RTL4: variants seen among roughly 807,000 people sequenced by gnomAD.
The protein encoded by RTL4 is retrotransposon Gag like 4, also known as retrotransposon Gag-like protein 4.
Under a neutral mutation model 5.3 loss-of-function variants are expected in RTL4, and 4 were observed. That is an observed-to-expected ratio of 0.75 (90% CI 0.37 to 1.72). The LOEUF (loss-of-function observed/expected upper bound fraction) is 1.72. RTL4 is among the 40% of genes most tolerant of loss of function. RTL4 has a pLI of 0.04. For missense variants in RTL4, 260 were observed against 227.1 expected (o/e 1.14, Z -0.93); for synonymous variants, 98 against 87.3 (o/e 1.12, Z -0.68).
chrX:112,268,444 C>A, the RTL4 span, among the ~76,000 whole-genome samples: 1 of 111,681 alleles, frequency 9.0e-6, no homozygotes, highest in African/African-American at 3.2e-5. Flanking sequence ...TCTCTTAGGG[C>A]AGATTGAACT....
At chrX:112,212,830 GTC>G in the RTL4 span, among the ~76,000 whole-genome samples, 1 of 112,067 alleles carries the variant, frequency 8.9e-6, no homozygotes, top group African/African-American at 3.3e-5. Context: ...AACCAAGACT[GTC>G]TCTCGCTACT....
the RTL4 span, among the ~76,000 whole-genome samples, chrX:112,147,688 C>T: frequency 8.9e-6 from 1 of 112,149 alleles, no homozygotes; most frequent in Non-Finnish European, 1.9e-5. Flanking sequence ...CCTGTAATCC[C>T]AGCACTTTGG....
At chrX:112,124,325 T>C in the RTL4 span, among the ~76,000 whole-genome samples, 1 of 111,815 alleles carries the variant, frequency 8.9e-6, no homozygotes, top group Admixed American at 9.5e-5. Context: ...ACTGGGTATA[T>C]ACCCAAAGTA....
At chrX:112,160,306 G>A in the RTL4 span, among the ~76,000 whole-genome samples, 5 of 111,829 alleles carry the variant, frequency 4.5e-5, no homozygotes, top group South Asian at 3.7e-4. Context: ...AGCCTTCAAG[G>A]AACTCACAGT....
the RTL4 span, among the ~76,000 whole-genome samples, chrX:112,326,311 T>G: frequency 9.0e-5 from 10 of 111,594 alleles, no homozygotes; most frequent in African/African-American, 3.3e-4. Flanking sequence ...GTGCATGAGC[T>G]GAAGCAGGGC....
chrX:112,258,197 T>C, the RTL4 span, among the ~76,000 whole-genome samples: 2 of 110,545 alleles, frequency 1.8e-5, no homozygotes, highest in African/African-American at 6.6e-5. Context: ...AAAATGCATT[T>C]AATGAAATTG....
At chrX:112,103,335 T>TC in the RTL4 span, among the ~76,000 whole-genome samples, 3 of 102,595 alleles carry the variant, frequency 2.9e-5, no homozygotes, top group Non-Finnish European at 5.8e-5. Context: ...AACCAAATAT[T>TC]GCATGTTCTT....
chrX:112,397,624 T>C, the RTL4 span, among the ~76,000 whole-genome samples: 3 of 112,310 alleles, frequency 2.7e-5, no homozygotes, highest in Non-Finnish European at 5.6e-5. Flanking sequence ...TTCCAATGCA[T>C]GAACATAATA....
chrX:112,331,503 A>G, the RTL4 span, among the ~76,000 whole-genome samples: 12 of 105,259 alleles, frequency 1.1e-4, no homozygotes, highest in Non-Finnish European at 2.0e-4. Context: ...AAAAGTCAGG[A>G]AACAACAGGT....
At chrX:112,182,785 C>A in the RTL4 span, among the ~76,000 whole-genome samples, 1 of 111,760 alleles carries the variant, frequency 8.9e-6, no homozygotes, top group Admixed American at 9.5e-5. Flanking sequence ...GCAAGACAGA[C>A]CAATATTCAA....
the RTL4 span, among the ~76,000 whole-genome samples, chrX:112,134,993 A>G: frequency 8.9e-6 from 1 of 112,241 alleles, no homozygotes; most frequent in South Asian, 3.7e-4. Context: ...AAGTATTACA[A>G]ATAAAGTTGT....
At chrX:112,142,527 G>A in the RTL4 span, among the ~76,000 whole-genome samples, 2 of 111,965 alleles carry the variant, frequency 1.8e-5, no homozygotes, top group African/African-American at 6.5e-5. Flanking sequence ...CTGATACCAT[G>A]TGTAGGCAAA....
At chrX:112,202,810 C>T in the RTL4 span, among the ~76,000 whole-genome samples, 1 of 110,432 alleles carries the variant, frequency 9.1e-6, no homozygotes, top group South Asian at 3.9e-4. Context: ...ATCTGCCTGC[C>T]TCAGTATGTT....
the RTL4 span, among the ~76,000 whole-genome samples, chrX:112,172,094 G>T: frequency 8.9e-6 from 1 of 112,493 alleles, no homozygotes; most frequent in East Asian, 2.8e-4. Context: ...AGCACTTTGG[G>T]AGGCCGAGGC....
At chrX:112,310,300 A>T in the RTL4 span, among the ~76,000 whole-genome samples, 18 of 79,089 alleles carry the variant, frequency 2.3e-4, no homozygotes, top group African/African-American at 8.0e-4. Context: ...TGAGACAGCA[A>T]GAGGTCAGCT....
At chrX:112,368,766 C>A in the RTL4 span, among the ~76,000 whole-genome samples, 1 of 112,047 alleles carries the variant, frequency 8.9e-6, no homozygotes, top group African/African-American at 3.2e-5. Context: ...TATGAACTGA[C>A]AAGCTAAAGT....
the RTL4 span, among the ~76,000 whole-genome samples, chrX:112,349,408 T>C: frequency 1.8e-5 from 2 of 111,622 alleles, no homozygotes; most frequent in Admixed American, 1.9e-4. Flanking sequence ...GAAGAGGTTT[T>C]GGTAGCTTGA....
the RTL4 span, among the ~76,000 whole-genome samples, chrX:112,332,619 G>A: frequency 2.0e-4 from 20 of 100,481 alleles, no homozygotes; most frequent in Admixed American, 6.9e-4. Context: ...CTCATAGGTG[G>A]GAATTGAACA....
the RTL4 span, among the ~76,000 whole-genome samples, chrX:112,302,548 T>C: frequency 6.5e-4 from 73 of 112,401 alleles, no homozygotes; most frequent in African/African-American, 2.2e-3. Context: ...TCATTAATAG[T>C]GTAAATTGTG....
Sources: allele counts gnomAD v4.1 joint callset (sites outside exome capture counted in the v4.1 genomes callset), GRCh38; gene constraint gnomAD v4.1.1; transcripts MANE v1.5; gene names NCBI Gene and HGNC (gene_info 2026-07-23, HGNC 2026-07-21).